The following CLIC6 variants were observed in gnomAD, a reference collection of about 807,000 sequenced individuals.
The protein encoded by CLIC6 is CLIC family member 6.
In CLIC6, 39 loss-of-function variants were observed where a neutral mutation model predicts 49.2. The observed-to-expected ratio is 0.79, with a 90% CI of 0.61 to 1.04. The LOEUF is 1.04. CLIC6 is among the 50% of genes least tolerant of loss of function. CLIC6 has a pLI of 0.00. For synonymous variants in CLIC6, 446 were observed against 433.4 expected, an observed-to-expected ratio of 1.03 and a Z score of -0.36; for missense variants, 988 against 993.1, an observed-to-expected ratio of 0.99 and a Z score of 0.07.
chr21:34,702,923 C>G (rs1178636499), intron 1 of CLIC6, among the ~76,000 whole-genome samples: 1 of 152,190 alleles, frequency 6.6e-6, no homozygotes, highest in Non-Finnish European at 1.5e-5. Context: ...GCCTCCCACA[C>G]CTCACTCTGT....
chr21:34,675,194 CAAG>C (rs1211864327), intron 1 of CLIC6, among the ~76,000 whole-genome samples: 2 of 146,232 alleles, frequency 1.4e-5, no homozygotes, highest in African/African-American at 2.5e-5. Flanking sequence ...CAGTAAAACT[CAAG>C]AAGGACATGG....
In CLIC6 at chr21:34,682,287, C is replaced by T. The variant is rs545688082; in HGVS notation, c.1374+11525C>T. Among the ~76,000 whole-genome samples, 30 of 152,264 alleles carry T rather than the reference C, an allele frequency of 2.0e-4. No homozygotes were observed. The Middle Eastern group carries it at 0.014, about 69-fold the overall frequency. On this transcript the variant is annotated intron_variant, in intron 1 of 5. Transcript: ENST00000349499. ...ATGCTCCTCTGACACTATATCAGTGCCATGCTTATTTCCACAAACTTCTCT... is the reference window on the plus strand; with the variant it reads ...ATGCTCCTCTGACACTATATCAGTGTCATGCTTATTTCCACAAACTTCTCT...
In CLIC6 at chr21:34,717,232, T is replaced by C. The variant is rs2056092923; in HGVS notation, c.*750T>C. On this transcript the variant is annotated 3_prime_UTR_variant, in exon 6 of 6. Transcript: ENST00000349499. ...TCTGGTTCCAGCTTCCTGTCTTTGC[T>C]CCCTCCCCTCTCTTAGAGACTGTGC... 1 of 152,074 alleles carries C rather than the reference T, an allele frequency of 6.6e-6. No individual in the cohort carries two copies. The highest frequency in any genetic ancestry group is 1.5e-5 in the Non-Finnish European group (1 of 68,056). The allele number at this position is 152,074 out of a possible 1,614,324, so 9.4% of individuals were successfully genotyped here.
chr21:34,708,590 G>A, intron 3 of CLIC6, 110 bp from the exon 4 acceptor site: 1 of 752,994 alleles, frequency 1.3e-6, no homozygotes, highest in Non-Finnish European at 2.2e-6. Context: ...AAACGTTGAA[G>A]GAAAGCTTTT....
At chr21:34,690,514 C>T (rs998680037) in intron 1 of CLIC6, among the ~76,000 whole-genome samples, 2 of 152,232 alleles carry the variant, frequency 1.3e-5, no homozygotes, top group East Asian at 1.9e-4. Flanking sequence ...TTGGATTTAG[C>T]GTAACACATG....
At position 34,669,574 on chromosome 21, in the gene CLIC6, C is replaced by T. The variant is rs1989485190; in HGVS notation, c.186C>T (p.Gly62=). Residue 62 remains glycine (G), a synonymous_variant, in exon 1 of 6, where the codon GGC becomes GGT. Coordinates refer to ENST00000349499, the MANE Select transcript of CLIC6 (RefSeq NM_053277.3). ...RGAAAVKEAG[G]GGPDRGPEAE... is the part of the protein sequence containing the mutation. The stretch of plus-strand genomic sequence containing the variant: ...CCGCCGCTGTGAAGGAGGCAGGAGG[C>T]GGCGGGCCAGACAGGGGCCCGGAGG... 1.6e-6 allele frequency: 2 copies of T among 1,257,790 alleles called. No individual in the cohort carries two copies. The highest frequency in any genetic ancestry group is 2.0e-6 in the Non-Finnish European group (2 of 1,004,408). 77.9% of individuals were successfully genotyped at this position (1,257,790 alleles called of 1,614,324 possible).
chr21:34,716,862 T>TCTCTCTCTCTCTCTCTCACACACACACA lies in CLIC6; in HGVS notation c.*381_*382insTCTCTCTCTCTCTCTCACACACACACAC. ...CTCTCTCTCTCTCTCTCTCTCTCTA[T>TCTCTCTCTCTCTCTCTCACACACACACA]CACACACACACACACACACACACAC... On this transcript the variant is annotated 3_prime_UTR_variant, in exon 6 of 6. Coordinates refer to ENST00000349499, the MANE Select transcript of CLIC6 (RefSeq NM_053277.3). 7.6e-6 allele frequency: 1 copy of TCTCTCTCTCTCTCTCTCACACACACACA among 131,630 alleles called. No homozygotes were observed. The highest frequency in any genetic ancestry group is 3.2e-5 in the African/African-American group (1 of 31,212). The allele number at this position is 131,630 out of a possible 1,614,324, so 8.2% of individuals were successfully genotyped here.
chr21:34,717,077 A>C lies in CLIC6; in HGVS notation c.*595A>C, dbSNP rs1277941149. 1 of 152,228 alleles carries C rather than the reference A, an allele frequency of 6.6e-6. No individual in the cohort carries two copies. The highest frequency in any genetic ancestry group is 1.5e-5 in the Non-Finnish European group (1 of 68,080). 9.4% of individuals were successfully genotyped at this position (152,228 alleles called of 1,614,324 possible). On this transcript the variant is annotated 3_prime_UTR_variant, in exon 6 of 6. Transcript: ENST00000349499. Reference sequence around the variant, plus strand: ...TAAGGAGTGGGGAATTGTGAAGCCCACAGATGCGCACGCAATGACCAGCAG... The same window carrying C: ...TAAGGAGTGGGGAATTGTGAAGCCCCCAGATGCGCACGCAATGACCAGCAG...
At chr21:34,691,432 G>T (rs1327374004) in intron 1 of CLIC6, among the ~76,000 whole-genome samples, 6 of 151,956 alleles carry the variant, frequency 3.9e-5, no homozygotes, top group Non-Finnish European at 5.9e-5. Context: ...ATGCACTCCT[G>T]GTTGATTCTT....
intron 1 of CLIC6, among the ~76,000 whole-genome samples, chr21:34,697,727 G>A (rs181888353): frequency 1.3e-4 from 20 of 152,314 alleles, no homozygotes; most frequent in Admixed American, 7.8e-4. Context: ...AGGGTGAGTT[G>A]GTCACGCAGT....
intron 1 of CLIC6, among the ~76,000 whole-genome samples, chr21:34,684,752 G>A (rs982683683): frequency 6.6e-6 from 1 of 152,306 alleles, no homozygotes; most frequent in African/African-American, 2.4e-5. Context: ...GCCAAAATGA[G>A]GGAGAGGAAA....
At chr21:34,716,187 A>G in intron 5 of CLIC6, 134 bp from the exon 6 acceptor site, 1 of 721,604 alleles carries the variant, frequency 1.4e-6, no homozygotes, top group Non-Finnish European at 2.3e-6. Context: ...CGTGGTGGGT[A>G]GCCCGGATGA....
At chr21:34,677,405 A>G (rs1281056776) in intron 1 of CLIC6, among the ~76,000 whole-genome samples, 1 of 152,222 alleles carries the variant, frequency 6.6e-6, no homozygotes, top group African/African-American at 2.4e-5. Context: ...TTAATGTTGA[A>G]GAGAACACCA....
chr21:34,679,307 A>G (rs566853271), intron 1 of CLIC6, among the ~76,000 whole-genome samples: 52 of 152,302 alleles, frequency 3.4e-4, no homozygotes, highest in Non-Finnish European at 6.2e-4. Context: ...TCTGGTGAGA[A>G]CTCACTCACT....
chr21:34,696,646 G>A (rs1437877887), intron 1 of CLIC6, among the ~76,000 whole-genome samples: 1 of 152,244 alleles, frequency 6.6e-6, no homozygotes, highest in African/African-American at 2.4e-5. Flanking sequence ...TTAAATCTGA[G>A]TTGATACAAG....
intron 1 of CLIC6, among the ~76,000 whole-genome samples, chr21:34,697,668 G>A (rs190286969): frequency 4.6e-5 from 7 of 152,344 alleles, no homozygotes; most frequent in Admixed American, 1.3e-4. Flanking sequence ...GACTTAGGGG[G>A]AGATGGTGGG....
intron 1 of CLIC6, among the ~76,000 whole-genome samples, chr21:34,699,128 T>A (rs907413209): frequency 5.3e-5 from 8 of 152,240 alleles, no homozygotes; most frequent in Non-Finnish European, 1.0e-4. Flanking sequence ...TAAAATGGGA[T>A]GAATAATAGG....
chr21:34,670,570 C>G lies in CLIC6; in HGVS notation c.1182C>G (p.Pro394=). Residue 394 remains proline, a synonymous_variant, in exon 1 of 6, where the codon CCC becomes CCG. Transcript: ENST00000349499. ...CAGCGGGGGGCGAAGAGGAATCCCC[C>G]GACAGCAGCCCACATGGGGAGGCCT... ...EEAAGGEEES[P]DSSPHGEASR... The G allele has an allele frequency of 6.6e-7, 1 of 1,511,944 alleles. No homozygotes were observed. The highest frequency in any genetic ancestry group is 8.8e-7 in the Non-Finnish European group (1 of 1,130,670). The allele number at this position is 1,511,944 out of a possible 1,614,324, so 93.7% of individuals were successfully genotyped here.
intron 5 of CLIC6, among the ~76,000 whole-genome samples, chr21:34,710,271 C>T (rs913051872): frequency 6.6e-6 from 1 of 151,888 alleles, no homozygotes; most frequent in African/African-American, 2.4e-5. Context: ...GAGTGAGACC[C>T]CATCTCTAAA....
Sources: allele counts gnomAD v4.1 joint callset (sites outside exome capture counted in the v4.1 genomes callset), GRCh38; gene constraint gnomAD v4.1.1; transcripts MANE v1.5; gene names NCBI Gene and HGNC (gene_info 2026-07-23, HGNC 2026-07-21).